Variants in HGD observed in about 807,000 individuals in gnomAD.
The protein encoded by HGD is homogentisate 1,2-dioxygenase.
A neutral mutation model predicts 60.8 loss-of-function variants in HGD; 61 were observed. The observed-to-expected ratio is 1.00, with a 90% CI of 0.82 to 1.24. The LOEUF (loss-of-function observed/expected upper bound fraction) is 1.24. HGD is among the 50% of genes most tolerant of loss of function. HGD has a pLI of 0.00. For missense variants in HGD, 542 were observed against 547.1 expected, an observed-to-expected ratio of 0.99 and a Z score of 0.09; for synonymous variants, 212 against 187.7, an observed-to-expected ratio of 1.13 and a Z score of -1.06.
At chr3:120,674,434 G>T (rs1708083620) in intron 3 of HGD, 1 of 195,570 alleles carries the variant, frequency 5.1e-6, no homozygotes, top group Admixed American at 5.3e-5. Context: ...GCCATAATAT[G>T]TGACTTTTTA....
At chr3:120,667,190 G>A (rs914301729) in intron 4 of HGD, among the ~76,000 whole-genome samples, 1 of 151,822 alleles carries the variant, frequency 6.6e-6, no homozygotes, top group Admixed American at 6.6e-5. Flanking sequence ...GCTGGCCATT[G>A]TGGTGCACAC....
intron 4 of HGD, among the ~76,000 whole-genome samples, chr3:120,655,693 T>C (rs1344468181): frequency 6.6e-6 from 1 of 152,232 alleles, no homozygotes; most frequent in East Asian, 1.9e-4. Context: ...TAAAGCCAGC[T>C]GCAGCTTTAT....
At chr3:120,670,571 T>C (rs778079321) in intron 3 of HGD, 39 bp from the exon 4 acceptor site, 2 of 1,172,878 alleles carry the variant, frequency 1.7e-6, no homozygotes, top group Non-Finnish European at 2.6e-6. Context: ...AGCCTTAGAG[T>C]AATGTTCTGA....
intron 9 of HGD, among the ~76,000 whole-genome samples, chr3:120,645,286 C>T (rs1186935313): frequency 6.6e-6 from 1 of 152,196 alleles, no homozygotes; most frequent in Non-Finnish European, 1.5e-5. Flanking sequence ...CCCACCACGG[C>T]TCCAGCTGCC....
intron 12 of HGD, among the ~76,000 whole-genome samples, chr3:120,634,925 A>T (rs1940711295): frequency 6.6e-6 from 1 of 152,254 alleles, no homozygotes; most frequent in African/African-American, 2.4e-5. Flanking sequence ...GGAAATACAG[A>T]AAAAGAAGCA....
At chr3:120,647,953 A>T in intron 6 of HGD, 42 bp from the exon 7 acceptor site, 2 of 1,468,312 alleles carry the variant, frequency 1.4e-6, no homozygotes, top group Non-Finnish European at 1.9e-6. Context: ...CAGTTTTAAC[A>T]TTGTCTAGAC....
At chr3:120,682,046 C>CAT (rs1708238831) in intron 1 of HGD, 51 bp downstream of exon 1, 1 of 1,581,960 alleles carries the variant, frequency 6.3e-7, no homozygotes, top group Non-Finnish European at 8.7e-7. Flanking sequence ...CAGAAACTTC[C>CAT]ATAAATTTTG....
rs372293676 is a variant in HGD at position 120,646,992 on chromosome 3, T to C, written c.530A>G (p.Asn177Ser). The change falls in exon 8 of 14, where the codon AAT (asparagine) becomes AGT (serine). Residue 177 changes from asparagine (N) to serine (S), a missense_variant. By Grantham distance (46) the Asn-to-Ser change is conservative. Coordinates refer to ENST00000283871, the MANE Select transcript of HGD (RefSeq NM_000187.4). The stretch of plus-strand genomic sequence containing the variant: ...ACCAACCTGAATGACGCAGATCTCA[T>C]TGGGCTGTACAAGCATCTTGCCAAA... ...TEFGKMLVQP[N>S]EICVIQRGMR... 33 of 1,613,956 alleles carry C rather than the reference T, an allele frequency of 2.0e-5. No individual in the cohort carries two copies. The highest frequency in any genetic ancestry group is 1.7e-4 in the Middle Eastern group (1 of 6,060).
intron 9 of HGD, among the ~76,000 whole-genome samples, chr3:120,645,166 A>G (rs1258258840): frequency 1.3e-5 from 2 of 152,134 alleles, no homozygotes; most frequent in East Asian, 3.9e-4. Context: ...AATTATAGAT[A>G]TTTTCCAGAG....
chr3:120,635,484 A>T (rs1940739894), intron 12 of HGD, among the ~76,000 whole-genome samples: 1 of 151,496 alleles, frequency 6.6e-6, no homozygotes, highest in Non-Finnish European at 1.5e-5. Context: ...CTCAAAAAAA[A>T]AAAAAAAAAA....
chr3:120,647,745 C>T (rs573123934), intron 7 of HGD, 132 bp downstream of exon 7: 16 of 813,264 alleles, frequency 2.0e-5, no homozygotes, highest in South Asian at 1.7e-4. Context: ...CTCTAGACCT[C>T]AGTCTCTGGA....
At chr3:120,673,550 CCT>C (rs765053659) in intron 3 of HGD, among the ~76,000 whole-genome samples, 6 of 152,070 alleles carry the variant, frequency 3.9e-5, no homozygotes, top group African/African-American at 4.8e-5. Context: ...GGAATTATCC[CCT>C]GATTTTTGAC....
At position 120,633,679 on chromosome 3, in the gene HGD, G is replaced by A. The variant is rs539237664; in HGVS notation, c.1007-351C>T. The A allele has an allele frequency of 3.5e-5, 38 of 1,079,280 alleles. No homozygotes were observed. The East Asian group carries it at 1.6e-3, about 46-fold the overall frequency. 66.9% of individuals were successfully genotyped at this position (1,079,280 alleles called of 1,614,324 possible). On this transcript the variant is annotated intron_variant, in intron 12 of 13. Transcript: ENST00000283871. ...AATGTACTCTATCATCTAAGCTTAC[G>A]AGCCCTGTATCAAAGTTATCTTATC...
intron 10 of HGD, 98 bp from the exon 11 acceptor site, chr3:120,641,791 TTTGA>T: frequency 2.4e-6 from 2 of 841,300 alleles, no homozygotes; most frequent in South Asian, 2.7e-5. Flanking sequence ...CTTCTTTTGA[TTTGA>T]TTTTGTTCTC....
chr3:120,666,890 T>A (rs1453386417), intron 4 of HGD, among the ~76,000 whole-genome samples: 1 of 152,208 alleles, frequency 6.6e-6, no homozygotes, highest in African/African-American at 2.4e-5. Context: ...TCAAAATGTA[T>A]GTCAACTATT....
At chr3:120,670,188 G>A (rs146031279) in intron 4 of HGD, 12,278 of 544,042 alleles carry the variant, frequency 0.023, 193 homozygotes, top group Non-Finnish European at 0.032. Flanking sequence ...GCAGAACTGT[G>A]AGTCAATTAA....
At position 120,641,820 on chromosome 3, in the gene HGD, G is replaced by A. The variant is rs562923720; in HGVS notation, c.775-127C>T. The stretch of plus-strand genomic sequence containing the variant: ...ATTTTGTTCTCGATTTAATTTTACC[G>A]TCCTTTGGGAGAAGTATAACCCTGA... On this transcript the variant is annotated intron_variant, in intron 10 of 13. Transcript: ENST00000283871. The A allele has an allele frequency of 1.6e-4, 119 of 741,298 alleles. No individual in the cohort carries two copies. In the East Asian group the frequency reaches 2.0e-3, roughly 12 times the overall value. The allele number at this position is 741,298 out of a possible 1,614,324, so 45.9% of individuals were successfully genotyped here.
intron 3 of HGD, among the ~76,000 whole-genome samples, chr3:120,671,807 A>T (rs1708030898): frequency 6.6e-6 from 1 of 152,380 alleles, no homozygotes; most frequent in African/African-American, 2.4e-5. Flanking sequence ...CTATGCAGCC[A>T]TAAAAAGGAA....
At chr3:120,656,348 T>A (rs954931815) in intron 4 of HGD, among the ~76,000 whole-genome samples, 1 of 152,226 alleles carries the variant, frequency 6.6e-6, no homozygotes, top group African/African-American at 2.4e-5. Flanking sequence ...TAGTTTATTT[T>A]ATTTATACTA....
Sources: allele counts gnomAD v4.1 joint callset (sites outside exome capture counted in the v4.1 genomes callset), GRCh38; gene constraint gnomAD v4.1.1; transcripts MANE v1.5; gene names NCBI Gene and HGNC (gene_info 2026-07-23, HGNC 2026-07-21).